Variants in PLXNC1 observed in about 807,000 individuals in gnomAD.
PLXNC1 encodes plexin-C1.
A neutral mutation model predicts 178.2 loss-of-function variants in PLXNC1; 75 were observed. The ratio of observed to expected loss-of-function variants is 0.42; its 90% CI spans 0.35 to 0.51. PLXNC1 has a LOEUF of 0.51. PLXNC1 is among the 20% of genes least tolerant of loss of function. The pLI is 0.02. For synonymous variants in PLXNC1, 790 were observed against 779.9 expected (o/e 1.01, Z -0.22); for missense variants, 1,503 against 1,984.4 (o/e 0.76, Z 4.61).
At chr12:94,167,027 A>G (rs1365584767) in intron 1 of PLXNC1, among the ~76,000 whole-genome samples, 20 of 152,050 alleles carry the variant, frequency 1.3e-4, no homozygotes, top group Admixed American at 1.3e-3. Flanking sequence ...AGTTACCTAT[A>G]CTACTGATCC....
chr12:94,153,752 A>T (rs565365136), intron 1 of PLXNC1, among the ~76,000 whole-genome samples: 69 of 152,268 alleles, frequency 4.5e-4, no homozygotes, highest in African/African-American at 1.3e-3. Flanking sequence ...TTGTAGGGGG[A>T]CATACCGCCT....
In PLXNC1 at chr12:94,220,111, T is replaced by G; in HGVS notation, c.1650T>G (p.Ser550Arg). The G allele has an allele frequency of 6.2e-7, 1 of 1,614,022 alleles. No individual in the cohort carries two copies. Among genetic ancestry groups the G allele is most frequent in the Non-Finnish European group, 8.5e-7 (1 of 1,179,944 alleles). ...GCAGGGAGCTCTGCCAGAATAAAAG[T>G]CAGCCCAACCGGACCTGCACCTGTA... Reference protein sequence around the residue: ...DSSRELCQNKSQPNRTCTCSI... With the variant: ...DSSRELCQNKRQPNRTCTCSI... Residue 550 changes from serine (S) to arginine (R), a missense_variant, in exon 6 of 31, where the codon AGT (serine) becomes AGG (arginine). Transcript: ENST00000258526.
intron 12 of PLXNC1, among the ~76,000 whole-genome samples, chr12:94,247,141 G>A (rs1004749961): frequency 6.6e-6 from 1 of 151,784 alleles, no homozygotes; most frequent in African/African-American, 2.4e-5. Flanking sequence ...CCAACTCCCG[G>A]GCTCACGTAA....
At chr12:94,281,067 T>G (rs1966403278) in intron 22 of PLXNC1, among the ~76,000 whole-genome samples, 2 of 152,174 alleles carry the variant, frequency 1.3e-5, no homozygotes, top group Admixed American at 1.3e-4. Flanking sequence ...TCACCTGAAG[T>G]CAGGAGTTTG....
intron 2 of PLXNC1, among the ~76,000 whole-genome samples, chr12:94,177,537 G>GAAAGAGAAAGAAAA (rs769164476): frequency 6.7e-6 from 1 of 150,046 alleles, no homozygotes; most frequent in Non-Finnish European, 1.5e-5. Flanking sequence ...GAGAAAGAAA[G>GAAAGAGAAAGAAAA]AAAGAGAGAG....
intron 27 of PLXNC1, 95 bp from the exon 28 acceptor site, chr12:94,300,815 C>A: frequency 8.4e-7 from 1 of 1,186,568 alleles, no homozygotes; most frequent in Non-Finnish European, 1.2e-6. Context: ...ACTTCAATAA[C>A]AAGGACAAAA....
At chr12:94,227,341 T>A in intron 9 of PLXNC1, 106 bp downstream of exon 9, 1 of 632,880 alleles carries the variant, frequency 1.6e-6, no homozygotes, top group Non-Finnish European at 2.8e-6. Flanking sequence ...TATTTTACTT[T>A]CTACCAAAAT....
chr12:94,291,853 C>T (rs1239751540), intron 23 of PLXNC1, among the ~76,000 whole-genome samples: 1 of 152,136 alleles, frequency 6.6e-6, no homozygotes, highest in Non-Finnish European at 1.5e-5. Context: ...CTATTGATCC[C>T]ATCACCCAGT....
At chr12:94,185,890 G>A (rs924664221) in intron 3 of PLXNC1, 3 of 162,018 alleles carry the variant, frequency 1.9e-5, no homozygotes, top group Non-Finnish European at 2.7e-5. Context: ...TCCATGATCC[G>A]TATGGAAATC....
chr12:94,241,292 G>A (rs1185791687), intron 11 of PLXNC1, among the ~76,000 whole-genome samples: 3 of 152,122 alleles, frequency 2.0e-5, no homozygotes, highest in Non-Finnish European at 4.4e-5. Flanking sequence ...CAGTGAATAT[G>A]TAATCATCAA....
At chr12:94,187,174 A>AAGAGAGAG (rs755091519) in intron 4 of PLXNC1, among the ~76,000 whole-genome samples, 207 of 105,910 alleles carry the variant, frequency 2.0e-3, no homozygotes, top group African/African-American at 5.3e-3. Flanking sequence ...TCAGGCAGGA[A>AAGAGAGAG]AGAGAGAGAG....
chr12:94,277,713 G>A (rs1194448273), intron 21 of PLXNC1: 5 of 344,648 alleles, frequency 1.5e-5, no homozygotes, highest in Non-Finnish European at 2.9e-5. Flanking sequence ...GTCCAATGTG[G>A]GCTGAATCTG....
Position 94,259,319 on chromosome 12 carries a change from G to A in PLXNC1, c.3088-18G>A. On this transcript the variant is annotated intron_variant, in intron 17 of 30. Transcript: ENST00000258526. ...CCTTTGGATGTTATGAATAATAAAA[G>A]TGTCTCCTTCCTCTCAGTCAGGTGG... The A allele has an allele frequency of 6.4e-7, 1 of 1,569,196 alleles. No homozygotes were observed. The highest frequency in any genetic ancestry group is 8.7e-7 in the Non-Finnish European group (1 of 1,149,926).
At chr12:94,164,799 G>A (rs143791640) in intron 1 of PLXNC1, among the ~76,000 whole-genome samples, 1 of 151,796 alleles carries the variant, frequency 6.6e-6, no homozygotes, top group Admixed American at 6.6e-5. Context: ...CCCAAACATC[G>A]CTTGAGCCAA....
intron 9 of PLXNC1, among the ~76,000 whole-genome samples, chr12:94,235,237 C>T (rs1964209719): frequency 2.0e-5 from 3 of 152,098 alleles, no homozygotes; most frequent in Admixed American, 2.0e-4. Context: ...GCAAGGCGGT[C>T]TCCACTCAGG....
At chr12:94,283,969 G>C (rs1326660163) in intron 23 of PLXNC1, among the ~76,000 whole-genome samples, 1 of 151,912 alleles carries the variant, frequency 6.6e-6, no homozygotes, top group Non-Finnish European at 1.5e-5. Context: ...TGTAATCCCA[G>C]CTACTTGGGA....
intron 7 of PLXNC1, among the ~76,000 whole-genome samples, chr12:94,225,752 T>C (rs769745558): frequency 1.4e-4 from 21 of 152,074 alleles, no homozygotes; most frequent in Non-Finnish European, 3.1e-4. Flanking sequence ...AAGCACTTAG[T>C]ACAGTAATCA....
At position 94,279,500 on chromosome 12, in the gene PLXNC1, C is replaced by G; in HGVS notation, c.3626C>G (p.Pro1209Arg). The G allele has an allele frequency of 6.2e-7, 1 of 1,613,448 alleles. No individual in the cohort carries two copies. Among genetic ancestry groups the G allele is most frequent in the African/African-American group, 1.3e-5 (1 of 75,014 alleles). ...VALNVVFEKI[P>R]ENESADVCRN... is the part of the protein sequence containing the mutation. ...TTAAACGTCGTCTTTGAAAAAATCC[C>G]GGAAAACGAGAGTGCAGATGTCTGT... is the stretch of plus-strand genomic sequence containing the variant. The change falls in exon 22 of 31, where the codon CCG (proline) becomes CGG (arginine). Residue 1209 changes from proline to arginine, a missense_variant. Physicochemically the swap from Pro to Arg is moderately radical, Grantham distance 103. Around this residue, in one of 4 missense-constraint regions of PLXNC1, gnomAD observed 639 missense variants for 979.7 expected, o/e 0.65. Transcript: ENST00000258526.
At chr12:94,207,321 G>A (rs1963330564) in intron 4 of PLXNC1, among the ~76,000 whole-genome samples, 1 of 151,806 alleles carries the variant, frequency 6.6e-6, no homozygotes. Context: ...AAAATGAAAG[G>A]TTCATTTTAT....
Sources: gnomAD v4.1 joint callset for allele counts (sites outside exome capture counted in the v4.1 genomes callset) on GRCh38, gnomAD v4.1.1 for gene constraint, gnomAD v4.1.1 regional missense constraint, MANE v1.5 for transcripts, NCBI Gene and HGNC (gene_info 2026-07-23, HGNC 2026-07-21) for gene names.